Variants in KLHL4 observed in about 807,000 individuals in gnomAD.
The protein encoded by KLHL4 is kelch like family member 4, also known as kelch-like protein 4.
Under a neutral mutation model 45.8 loss-of-function variants are expected in KLHL4, and 17 were observed. The ratio of observed to expected loss-of-function variants is 0.37; its 90% CI spans 0.25 to 0.56. KLHL4 has a LOEUF of 0.56. Among genes scored for constraint, KLHL4 ranks in the 20% least tolerant of loss-of-function variants. KLHL4 has a pLI of 0.79. For missense variants in KLHL4, 544 were observed against 544.9 expected, an observed-to-expected ratio of 1.00 and a Z score of 0.02; for synonymous variants, 224 against 189.9, an observed-to-expected ratio of 1.18 and a Z score of -1.47.
intron 9 of KLHL4, among the ~76,000 whole-genome samples, chrX:87,651,011 C>T (rs1438584091): frequency 2.7e-5 from 3 of 112,105 alleles, no homozygotes; most frequent in African/African-American, 9.7e-5. Flanking sequence ...TAACTCTAAG[C>T]TGGGTTTTCA....
In KLHL4 at chrX:87,632,473, G is replaced by T. The variant is rs201607466; in HGVS notation, c.1549+39G>T. 18 of 922,948 alleles carry T rather than the reference G, an allele frequency of 2.0e-5. No homozygotes were observed. In the East Asian group the frequency reaches 5.1e-4, roughly 26 times the overall value. The allele number at this position is 922,948 out of a possible 1,213,427, so 76.1% of individuals were successfully genotyped here. A position where few individuals can be genotyped will look rare whatever the true frequency, so the allele number is the denominator to read the frequency against. On this transcript the variant is annotated intron_variant, in intron 7 of 10. Coordinates refer to ENST00000373119, the MANE Select transcript of KLHL4 (RefSeq NM_019117.5). ...GTAATGTATTTTTCAAGAATGTATA[G>T]TAAGTAGAGTTTTTAAAAATTAAAT...
At chrX:87,616,934 G>A (rs1336500374) in intron 3 of KLHL4, among the ~76,000 whole-genome samples, 1 of 111,130 alleles carries the variant, frequency 9.0e-6, no homozygotes, top group Non-Finnish European at 1.9e-5. Context: ...TTTCCTTATG[G>A]TTATGCAACT....
intron 1 of KLHL4, among the ~76,000 whole-genome samples, chrX:87,553,402 AT>A (rs1204638174): frequency 9.0e-6 from 1 of 110,790 alleles, no homozygotes; most frequent in Non-Finnish European, 1.9e-5. Context: ...AAATATATTA[AT>A]TTATATTTAT....
intron 1 of KLHL4, among the ~76,000 whole-genome samples, chrX:87,580,509 G>A (rs1024114138): frequency 9.0e-6 from 1 of 111,172 alleles, no homozygotes; most frequent in African/African-American, 3.3e-5. Flanking sequence ...CGGGCTGAAA[G>A]TGAAGTGATA....
At chrX:87,654,716 T>C (rs751410392) in intron 9 of KLHL4, among the ~76,000 whole-genome samples, 1 of 112,094 alleles carries the variant, frequency 8.9e-6, no homozygotes, top group Non-Finnish European at 1.9e-5. Flanking sequence ...TTGAGAAAGC[T>C]GCATACTGAT....
At chrX:87,641,743 G>T (rs1923467806) in intron 9 of KLHL4, among the ~76,000 whole-genome samples, 1 of 110,900 alleles carries the variant, frequency 9.0e-6, no homozygotes, top group African/African-American at 3.3e-5. Flanking sequence ...TTGCACGGGA[G>T]CTGGGTGAGA....
intron 1 of KLHL4, among the ~76,000 whole-genome samples, chrX:87,580,331 A>G (rs888705440): frequency 7.3e-5 from 8 of 110,313 alleles, no homozygotes; most frequent in Non-Finnish European, 1.3e-4. Context: ...AAGACAGAAA[A>G]AAAAAAACCA....
Position 87,666,789 on chromosome X carries a change from T to C in KLHL4, c.*255T>C, listed in dbSNP as rs951611869. ...ATAAAAGGAAATCCCACAGTCTAGA[T>C]ATAGCCCCATTACTACAAAATGCTA... On this transcript the variant is annotated 3_prime_UTR_variant, in exon 11 of 11. Transcript: ENST00000373119. 8.1e-6 allele frequency: 7 copies of C among 862,663 alleles called. No homozygotes were observed. Among genetic ancestry groups the C allele is most frequent in the Non-Finnish European group, 7.1e-6 (5 of 709,151 alleles). 71.1% of individuals were successfully genotyped at this position (862,663 alleles called of 1,213,427 possible).
chrX:87,553,083 C>T lies in KLHL4; in HGVS notation c.422+34768C>T, dbSNP rs1359041387. Among the ~76,000 whole-genome samples, 3 of 110,173 alleles carry T rather than the reference C, an allele frequency of 2.7e-5. No individual in the cohort carries two copies. In the East Asian group the frequency reaches 8.5e-4, roughly 31 times the overall value. ...TCATGTACACACTAAATATGTGCAC[C>T]TACTGTGTATCCACAATAATTAAAA... On this transcript the variant is annotated intron_variant, in intron 1 of 10. Coordinates refer to ENST00000373119, the MANE Select transcript of KLHL4 (RefSeq NM_019117.5).
At chrX:87,617,894 G>T in intron 3 of KLHL4, 38 bp from the exon 4 acceptor site, 1 of 1,103,550 alleles carries the variant, frequency 9.1e-7, no homozygotes, top group Non-Finnish European at 1.2e-6. Context: ...TTACTTTATG[G>T]AACTTATAAT....
intron 1 of KLHL4, among the ~76,000 whole-genome samples, chrX:87,605,000 C>A (rs915582422): frequency 9.9e-5 from 11 of 111,208 alleles, no homozygotes; most frequent in African/African-American, 3.6e-4. Context: ...ATCCAATTTT[C>A]CCAACACCAT....
Position 87,668,284 on chromosome X carries a change from G to A in KLHL4, c.*1750G>A, listed in dbSNP as rs1316577376. ...GTGTCAACCAGTGGAAAAGATCAAA[G>A]GACCTTTTGCAGCCTAGCTTGCCAA... On this transcript the variant is annotated 3_prime_UTR_variant, in exon 11 of 11. Transcript: ENST00000373119. 1 of 750,717 alleles carries A rather than the reference G, an allele frequency of 1.3e-6. No individual in the cohort carries two copies. Among genetic ancestry groups the A allele is most frequent in the East Asian group, 1.5e-4 (1 of 6,559 alleles). The allele number at this position is 750,717 out of a possible 1,213,427, so 61.9% of individuals were successfully genotyped here.
In KLHL4 at chrX:87,604,337, T is replaced by C. The variant is rs113508653; in HGVS notation, c.423-9540T>C. ...ACTATTTGTATTTTTTTGAGAAATC[T>C]ACATGCTGTTTTCCATAGTAGCTGT... is the stretch of plus-strand genomic sequence containing the variant. On this transcript the variant is annotated intron_variant, in intron 1 of 10. Transcript: ENST00000373119. 5.2e-3 allele frequency among the ~76,000 whole-genome samples: 585 copies of C among 111,587 alleles called. 5 individuals carry two copies. Among genetic ancestry groups the C allele is most frequent in the African/African-American group, 0.018 (554 of 30,853 alleles).
chrX:87,642,319 G>A (rs761336248), intron 9 of KLHL4, among the ~76,000 whole-genome samples: 1 of 111,451 alleles, frequency 9.0e-6, no homozygotes, highest in Admixed American at 9.5e-5. Flanking sequence ...CTCACAGGAA[G>A]CCACATCCAT....
chrX:87,566,003 A>G (rs1426915943), intron 1 of KLHL4, among the ~76,000 whole-genome samples: 2 of 110,793 alleles, frequency 1.8e-5, no homozygotes, highest in Non-Finnish European at 3.8e-5. Flanking sequence ...GGACAGGTCA[A>G]TAGGTGTAGC....
chrX:87,546,264 G>A (rs1006850768), intron 1 of KLHL4, among the ~76,000 whole-genome samples: 4 of 111,294 alleles, frequency 3.6e-5, no homozygotes, highest in Non-Finnish European at 7.5e-5. Flanking sequence ...GTGTCTTGCC[G>A]CTTTGGGTAG....
chrX:87,547,027 A>G (rs1931697830), intron 1 of KLHL4, among the ~76,000 whole-genome samples: 1 of 111,540 alleles, frequency 9.0e-6, no homozygotes, highest in African/African-American at 3.3e-5. Flanking sequence ...CTCAGGTGAG[A>G]CTTTAGACTT....
chrX:87,578,706 T>G (rs2147793670), intron 1 of KLHL4, among the ~76,000 whole-genome samples: 1 of 111,800 alleles, frequency 8.9e-6, no homozygotes, highest in African/African-American at 3.2e-5. Flanking sequence ...TTAGGGAAAA[T>G]TAGAGCATTA....
At chrX:87,577,267 C>T (rs1373581242) in intron 1 of KLHL4, among the ~76,000 whole-genome samples, 2 of 111,966 alleles carry the variant, frequency 1.8e-5, no homozygotes, top group Admixed American at 1.9e-4. Flanking sequence ...GCAGCATTTA[C>T]GCTGAGATAA....
Sources: allele counts gnomAD v4.1 joint callset (sites outside exome capture counted in the v4.1 genomes callset), GRCh38; gene constraint gnomAD v4.1.1; transcripts MANE v1.5; gene names NCBI Gene and HGNC (gene_info 2026-07-23, HGNC 2026-07-21).